The following LRRC4C variants were observed in gnomAD, a reference collection of about 807,000 sequenced individuals.
LRRC4C encodes the protein leucine-rich repeat-containing protein 4C.
LRRC4C carries 5 observed loss-of-function variants against 33.6 expected under a neutral mutation model. That is an observed-to-expected ratio of 0.15 (90% CI 0.08 to 0.31). LRRC4C has a LOEUF of 0.31. Ranked by LOEUF, LRRC4C falls within the 10% of genes least tolerant of loss-of-function variation. The pLI is 1.00. For missense variants in LRRC4C, 560 were observed against 796.7 expected (o/e 0.70, Z 3.58); for synonymous variants, 329 against 302.0 (o/e 1.09, Z -0.93).
At chr11:41,326,539 T>C (rs1477813673) in intron 1 of LRRC4C, among the ~76,000 whole-genome samples, 1 of 152,120 alleles carries the variant, frequency 6.6e-6, no homozygotes, top group Non-Finnish European at 1.5e-5. Context: ...AACCTTCACA[T>C]GTGGCCCCAA....
chr11:41,036,682 A>G (rs1857092479), intron 1 of LRRC4C, among the ~76,000 whole-genome samples: 1 of 152,220 alleles, frequency 6.6e-6, no homozygotes, highest in African/African-American at 2.4e-5. Context: ...CATGAATTAA[A>G]TACAAATATA....
chr11:40,281,661 A>G (rs772148162), intron 4 of LRRC4C, among the ~76,000 whole-genome samples: 8 of 152,190 alleles, frequency 5.3e-5, no homozygotes, highest in Non-Finnish European at 8.8e-5. Context: ...CCCTGAAATT[A>G]AATTCCTTAG....
At chr11:40,953,338 G>A (rs987849301) in intron 1 of LRRC4C, among the ~76,000 whole-genome samples, 33 of 151,826 alleles carry the variant, frequency 2.2e-4, no homozygotes, top group African/African-American at 7.7e-4. Flanking sequence ...ACTTTTAGAA[G>A]GTGGGCAGTG....
At position 41,224,175 on chromosome 11, in the gene LRRC4C, A is replaced by G. The variant is rs192182808; in HGVS notation, c.-496+235256T>C. Reference sequence around the variant, plus strand: ...TGGATTAAATTAATAAGAGAGAATTACCTGCCGTGGAAAAAGCCACGTTTA... The same window carrying G: ...TGGATTAAATTAATAAGAGAGAATTGCCTGCCGTGGAAAAAGCCACGTTTA... On this transcript the variant is annotated intron_variant, in intron 1 of 6. Coordinates refer to ENST00000528697, the MANE Select transcript of LRRC4C (RefSeq NM_001258419.2). 8.8e-3 allele frequency among the ~76,000 whole-genome samples: 1,339 copies of G among 152,294 alleles called. 12 individuals are homozygous for G. The highest frequency in any genetic ancestry group is 0.011 in the Non-Finnish European group (775 of 68,016).
chr11:40,687,431 T>G (rs1945016148), intron 2 of LRRC4C, among the ~76,000 whole-genome samples: 1 of 152,076 alleles, frequency 6.6e-6, no homozygotes, highest in East Asian at 1.9e-4. Flanking sequence ...GATCCTCTTT[T>G]CAATGAGAGT....
chr11:40,336,757 G>A (rs544836448), intron 3 of LRRC4C, among the ~76,000 whole-genome samples: 6 of 152,004 alleles, frequency 3.9e-5, no homozygotes, highest in Middle Eastern at 3.4e-3. Context: ...TGGGCAGATA[G>A]CGAGGTCAGG....
chr11:41,401,828 T>C (rs1376813397), intron 1 of LRRC4C, among the ~76,000 whole-genome samples: 2 of 151,976 alleles, frequency 1.3e-5, no homozygotes, highest in African/African-American at 4.8e-5. Context: ...TTTAGAGCCA[T>C]TGTAGGTCTT....
intron 2 of LRRC4C, among the ~76,000 whole-genome samples, chr11:40,806,426 CAGAGCTGCTGGGGCAAACGCCCCA>C (rs1951251901): frequency 6.6e-6 from 1 of 152,184 alleles, no homozygotes; most frequent in Non-Finnish European, 1.5e-5. Context: ...TATGGCAGCT[CAGAGCTGCTGGGGCAAACGCCCCA>C]AGAGGGAGAC....
chr11:41,452,886 T>G (rs538556056), intron 1 of LRRC4C, among the ~76,000 whole-genome samples: 2 of 152,272 alleles, frequency 1.3e-5, no homozygotes, highest in South Asian at 2.1e-4. Context: ...GCTAAGTTAT[T>G]ATCATAATTA....
chr11:40,539,671 C>T (rs1404188884), intron 3 of LRRC4C, among the ~76,000 whole-genome samples: 1 of 152,010 alleles, frequency 6.6e-6, no homozygotes, highest in Non-Finnish European at 1.5e-5. Flanking sequence ...TCATTCTAGG[C>T]AGAATGTCAA....
At chr11:41,164,500 A>G (rs1944631980) in intron 1 of LRRC4C, among the ~76,000 whole-genome samples, 1 of 152,300 alleles carries the variant, frequency 6.6e-6, no homozygotes, top group Middle Eastern at 3.4e-3. Context: ...ATATAAACCA[A>G]TAACATAGTA....
intron 1 of LRRC4C, among the ~76,000 whole-genome samples, chr11:40,978,456 A>G (rs958401621): frequency 1.3e-5 from 2 of 152,172 alleles, no homozygotes; most frequent in Non-Finnish European, 2.9e-5. Flanking sequence ...AATGGTCAAG[A>G]GTATGCTACT....
intron 3 of LRRC4C, among the ~76,000 whole-genome samples, chr11:40,383,819 G>C (rs1035529146): frequency 6.6e-6 from 1 of 151,396 alleles, no homozygotes; most frequent in African/African-American, 2.4e-5. Flanking sequence ...CTAGTAGCTG[G>C]GAACACAGGC....
chr11:41,243,726 G>A (rs1302208686), intron 1 of LRRC4C, among the ~76,000 whole-genome samples: 2 of 152,138 alleles, frequency 1.3e-5, no homozygotes, highest in African/African-American at 4.8e-5. Context: ...GGATAATGGA[G>A]CAATCATCTA....
chr11:40,952,244 G>A (rs1031234246), intron 1 of LRRC4C, among the ~76,000 whole-genome samples: 3 of 151,856 alleles, frequency 2.0e-5, no homozygotes, highest in African/African-American at 7.2e-5. Flanking sequence ...CAAGTCTTTT[G>A]TCTCCAAGGT....
At chr11:40,952,892 A>ACTCT (rs1958777221) in intron 1 of LRRC4C, among the ~76,000 whole-genome samples, 2 of 49,622 alleles carry the variant, frequency 4.0e-5, no homozygotes, top group African/African-American at 9.7e-5. Flanking sequence ...ACACACACAC[A>ACTCT]CACACTCTCT....
At chr11:40,848,100 A>G (rs1311107385) in intron 2 of LRRC4C, among the ~76,000 whole-genome samples, 1 of 150,070 alleles carries the variant, frequency 6.7e-6, no homozygotes, top group Non-Finnish European at 1.5e-5. Context: ...TTTTTAAAAA[A>G]AGCCCCTGGA....
chr11:40,816,373 A>G (rs1951705643), intron 2 of LRRC4C, among the ~76,000 whole-genome samples: 1 of 152,212 alleles, frequency 6.6e-6, no homozygotes, highest in African/African-American at 2.4e-5. Context: ...AGTAAATGTG[A>G]AAACCAAAAC....
intron 1 of LRRC4C, among the ~76,000 whole-genome samples, chr11:41,395,255 C>G (rs570306578): frequency 1.2e-4 from 19 of 152,092 alleles, no homozygotes; most frequent in African/African-American, 4.1e-4. Flanking sequence ...CCAATAAAAG[C>G]TTCTTAGATT....
Sources: allele counts gnomAD v4.1 joint callset (sites outside exome capture counted in the v4.1 genomes callset), GRCh38; gene constraint gnomAD v4.1.1; transcripts MANE v1.5; gene names NCBI Gene and HGNC (gene_info 2026-07-23, HGNC 2026-07-21).